PACRG: variants seen among roughly 807,000 people sequenced by gnomAD.
PACRG encodes parkin coregulated gene protein.
In PACRG, 29 loss-of-function variants were observed where a neutral mutation model predicts 29.7. The ratio of observed to expected loss-of-function variants is 0.98; its 90% CI spans 0.73 to 1.33. The LOEUF (loss-of-function observed/expected upper bound fraction) is 1.33. Ranked by LOEUF, PACRG falls within the 40% of genes most tolerant of loss-of-function variation. The pLI is 0.00. For synonymous variants in PACRG, 116 were observed against 118.7 expected (o/e 0.98, Z 0.15); for missense variants, 279 against 316.2 (o/e 0.88, Z 0.89).
chr6:163,171,076 C>T (rs1282420782), intron 4 of PACRG: 2 of 152,146 alleles, frequency 1.3e-5, no homozygotes, highest in African/African-American at 4.8e-5. Context: ...TTTGATGTCT[C>T]AAAAGATTTA....
At chr6:163,027,045 G>C (rs2128225129) in intron 2 of PACRG, among the ~76,000 whole-genome samples, 1 of 152,318 alleles carries the variant, frequency 6.6e-6, no homozygotes, top group Middle Eastern at 3.4e-3. Flanking sequence ...GCTGCAAAAG[G>C]AGCACTCAAG....
At chr6:163,152,018 T>C (rs1315042063) in intron 4 of PACRG, among the ~76,000 whole-genome samples, 2 of 152,212 alleles carry the variant, frequency 1.3e-5, no homozygotes, top group East Asian at 1.9e-4. Context: ...TGAACATAAA[T>C]GCCAAATTAC....
chr6:162,976,375 A>G (rs73607884), intron 2 of PACRG, among the ~76,000 whole-genome samples: 8,642 of 152,234 alleles, frequency 0.057, 677 homozygotes, highest in African/African-American at 0.17. Context: ...AAGTGACCCT[A>G]TCATGGATGG....
At chr6:163,049,972 T>G (rs1809824069) in intron 2 of PACRG, among the ~76,000 whole-genome samples, 1 of 152,136 alleles carries the variant, frequency 6.6e-6, no homozygotes, top group Admixed American at 6.5e-5. Context: ...AACTTCACCT[T>G]TATTTTCCAC....
At chr6:162,900,067 C>T (rs948022131) in intron 2 of PACRG, among the ~76,000 whole-genome samples, 1 of 151,930 alleles carries the variant, frequency 6.6e-6, no homozygotes, top group African/African-American at 2.4e-5. Context: ...ATGGTCAGAC[C>T]GGAACATCGT....
At chr6:163,286,914 G>T (rs1684132507) in intron 4 of PACRG, among the ~76,000 whole-genome samples, 1 of 152,136 alleles carries the variant, frequency 6.6e-6, no homozygotes, top group Non-Finnish European at 1.5e-5. Flanking sequence ...GTGTGTATTT[G>T]TATATGGATA....
At chr6:162,727,659 T>C (rs778787823), upstream of PACRG, 5 of 1,585,296 alleles carry the variant, frequency 3.2e-6, no homozygotes, top group African/African-American at 2.7e-5. Flanking sequence ...GGTACCCACG[T>C]ACCTATCATG....
chr6:163,261,610 A>G (rs1239028957), intron 4 of PACRG, among the ~76,000 whole-genome samples: 1 of 152,224 alleles, frequency 6.6e-6, no homozygotes, highest in Admixed American at 6.5e-5. Context: ...CACTCGCAGG[A>G]CACTCGGCCC....
At chr6:163,118,542 CTGTTATTCA>C (rs1816123233) in intron 4 of PACRG, among the ~76,000 whole-genome samples, 1 of 152,200 alleles carries the variant, frequency 6.6e-6, no homozygotes, top group Non-Finnish European at 1.5e-5. Flanking sequence ...TAAAGGAAAA[CTGTTATTCA>C]TGTTAGGCTG....
At chr6:163,006,743 A>G (rs1055326190) in intron 2 of PACRG, among the ~76,000 whole-genome samples, 3 of 151,872 alleles carry the variant, frequency 2.0e-5, no homozygotes, top group Non-Finnish European at 4.4e-5. Flanking sequence ...CTTTGTTGAC[A>G]TTAATTTAGC....
intron 1 of PACRG, among the ~76,000 whole-genome samples, chr6:162,747,474 C>CTA (rs377352285): frequency 0.032 from 1,417 of 44,756 alleles, 225 homozygotes; most frequent in African/African-American, 0.069. Context: ...ATATGTAAAA[C>CTA]TATATATATA....
chr6:163,063,334 C>A (rs1265396374), intron 3 of PACRG, among the ~76,000 whole-genome samples: 1 of 152,134 alleles, frequency 6.6e-6, no homozygotes, highest in African/African-American at 2.4e-5. Context: ...TCCCCCCGCC[C>A]CAAGTTCTAC....
At chr6:163,002,174 T>G (rs1040795989) in intron 2 of PACRG, among the ~76,000 whole-genome samples, 16 of 152,236 alleles carry the variant, frequency 1.1e-4, no homozygotes, top group Non-Finnish European at 7.3e-5. Context: ...TTACTTAGGT[T>G]GATCTATATA....
At chr6:162,730,867 A>G (rs528452651) in intron 1 of PACRG, among the ~76,000 whole-genome samples, 18 of 152,292 alleles carry the variant, frequency 1.2e-4, no homozygotes, top group African/African-American at 4.3e-4. Flanking sequence ...TGAAGATTTC[A>G]TAGTTCATTT....
intron 2 of PACRG, among the ~76,000 whole-genome samples, chr6:162,882,164 T>C (rs1332261960): frequency 3.1e-5 from 4 of 129,602 alleles, no homozygotes; most frequent in South Asian, 2.7e-4. Flanking sequence ...CCGGGGGCGC[T>C]CTCCACCAAG....
At chr6:163,100,196 A>C (rs971656025) in intron 4 of PACRG, among the ~76,000 whole-genome samples, 2 of 151,890 alleles carry the variant, frequency 1.3e-5, no homozygotes, top group Admixed American at 1.3e-4. Flanking sequence ...TCCAGCCTCC[A>C]CGGCCCTGCA....
At chr6:163,135,490 G>A (rs1160353521) in intron 4 of PACRG, among the ~76,000 whole-genome samples, 1 of 152,152 alleles carries the variant, frequency 6.6e-6, no homozygotes, top group Non-Finnish European at 1.5e-5. Flanking sequence ...CCCAGCCTTA[G>A]TTAAGTCATT....
At chr6:162,746,821 A>G (rs919550108) in intron 1 of PACRG, among the ~76,000 whole-genome samples, 1 of 152,128 alleles carries the variant, frequency 6.6e-6, no homozygotes, top group African/African-American at 2.4e-5. Context: ...CATATTCATA[A>G]CTTACAGGAA....
intron 1 of PACRG, among the ~76,000 whole-genome samples, chr6:162,757,479 G>A (rs1782017840): frequency 6.6e-6 from 1 of 152,080 alleles, no homozygotes; most frequent in Non-Finnish European, 1.5e-5. Flanking sequence ...GGTGAAAGAT[G>A]AGCAGATCAC....
Sources: gnomAD v4.1 joint callset for allele counts (sites outside exome capture counted in the v4.1 genomes callset) on GRCh38, gnomAD v4.1.1 for gene constraint, MANE v1.5 for transcripts, NCBI Gene and HGNC (gene_info 2026-07-23, HGNC 2026-07-21) for gene names.